GALNT1: variants seen among roughly 807,000 people sequenced by gnomAD.
GALNT1 encodes the protein polypeptide N-acetylgalactosaminyltransferase 1, also known as GalNAc transferase 1.
Under a neutral mutation model 65.7 loss-of-function variants are expected in GALNT1, and 17 were observed. The observed-to-expected ratio is 0.26, with a 90% confidence interval of 0.18 to 0.39. The LOEUF is 0.39. Among genes scored for constraint, GALNT1 ranks in the 10% least tolerant of loss-of-function variants. The probability of loss-of-function intolerance (pLI) is 1.00; values close to 1 mark genes in which losing one functional copy is unlikely to be tolerated. For synonymous variants in GALNT1, 210 were observed against 219.7 expected (o/e 0.96, Z 0.39); for missense variants, 460 against 672.8 (o/e 0.68, Z 3.50).
At chr18:35,656,947 G>A (rs1396015833) in intron 2 of GALNT1, among the ~76,000 whole-genome samples, 2 of 152,190 alleles carry the variant, frequency 1.3e-5, no homozygotes, top group African/African-American at 4.8e-5. Context: ...GGGGGCCATC[G>A]AATGTAGGGA....
intron 3 of GALNT1, 118 bp downstream of exon 3, chr18:35,663,920 C>T: frequency 1.2e-6 from 1 of 818,206 alleles, no homozygotes; most frequent in Non-Finnish European, 2.0e-6. Flanking sequence ...TATGTTACTA[C>T]TTACCCCACT....
intron 3 of GALNT1, among the ~76,000 whole-genome samples, chr18:35,673,037 C>G (rs1598801982): frequency 6.6e-6 from 1 of 152,144 alleles, no homozygotes; most frequent in Non-Finnish European, 1.5e-5. Context: ...ATGCTTTGCC[C>G]TTAGTTTTAT....
chr18:35,632,177 T>G (rs1333045358), intron 1 of GALNT1, among the ~76,000 whole-genome samples: 1 of 152,216 alleles, frequency 6.6e-6, no homozygotes, highest in African/African-American at 2.4e-5. Flanking sequence ...AATGACTTTC[T>G]TCACAGAATT....
Position 35,677,762 on chromosome 18 carries a change from A to C in GALNT1, c.481+5A>C. 1 of 1,587,508 alleles carries C rather than the reference A, an allele frequency of 6.3e-7. No homozygotes were observed. The stretch of plus-strand genomic sequence containing the variant: ...TAGATGATGCCAGTGAAAGAGGTAA[A>C]TTTTAAATTTTAATGCCAATAATTT... On this transcript the variant is annotated splice_donor_5th_base_variant and intron_variant, in intron 4 of 11. Coordinates refer to ENST00000269195, the MANE Select transcript of GALNT1 (RefSeq NM_020474.4).
At position 35,700,187 on chromosome 18, in the gene GALNT1, A is replaced by G. The variant is rs556006827; in HGVS notation, c.1300-2710A>G. On this transcript the variant is annotated intron_variant, in intron 9 of 11. Transcript: ENST00000269195. ...GAAAAGAATGTTCTCTGAAAACTCT[A>G]TATTCTCTAGCCAGGCGGTATATAG... 3.3e-5 allele frequency among the ~76,000 whole-genome samples: 5 copies of G among 152,294 alleles called. No homozygotes were observed. In the East Asian group the frequency reaches 9.7e-4, roughly 29 times the overall value.
chr18:35,619,260 CT>C (rs910801247), intron 1 of GALNT1, among the ~76,000 whole-genome samples: 38 of 152,146 alleles, frequency 2.5e-4, no homozygotes, highest in Admixed American at 1.2e-3. Flanking sequence ...AAATCTACCC[CT>C]AACTCAAGTT....
At position 35,663,702 on chromosome 18, in the gene GALNT1, C is replaced by G; in HGVS notation, c.214C>G (p.Gln72Glu). 6.2e-7 allele frequency: 1 copy of G among 1,613,852 alleles called. No homozygotes were observed. Residue 72 changes from glutamine to glutamate, a missense_variant, in exon 3 of 12, where the codon CAA becomes GAA. Physicochemically the swap from Gln to Glu is conservative, Grantham distance 29 (BLOSUM62 2). Transcript: ENST00000269195. Reference sequence around the variant, plus strand: ...ACCAGTCGTCATTCCTAAAGAGGATCAAGAAAAGATGAAAGAGATGTTTAA... The same window carrying G: ...ACCAGTCGTCATTCCTAAAGAGGATGAAGAAAAGATGAAAGAGATGTTTAA... ...GKPVVIPKED[Q>E]EKMKEMFKIN...
intron 1 of GALNT1, among the ~76,000 whole-genome samples, chr18:35,594,543 C>T (rs2143893067): frequency 6.6e-6 from 1 of 152,172 alleles, no homozygotes; most frequent in Middle Eastern, 3.4e-3. Flanking sequence ...TGCCACTATC[C>T]TAGAAGTTGA....
chr18:35,626,094 C>T (rs2046913106), intron 1 of GALNT1, among the ~76,000 whole-genome samples: 1 of 152,156 alleles, frequency 6.6e-6, no homozygotes, highest in South Asian at 2.1e-4. Context: ...TTTCCTAACT[C>T]ATACCAATTC....
chr18:35,582,119 T>C, intron 1 of GALNT1, among the ~76,000 whole-genome samples: 1 of 152,102 alleles, frequency 6.6e-6, no homozygotes, highest in Admixed American at 6.5e-5. Flanking sequence ...GAACCGTTTT[T>C]CTTTAGAAGA....
intron 1 of GALNT1, among the ~76,000 whole-genome samples, chr18:35,626,145 A>G (rs770147117): frequency 7.2e-5 from 11 of 152,182 alleles, no homozygotes; most frequent in African/African-American, 1.9e-4. Context: ...TTTGTGCGCT[A>G]TAGCCCGTCA....
At chr18:35,633,741 A>T (rs1445126889) in intron 1 of GALNT1, among the ~76,000 whole-genome samples, 1 of 152,284 alleles carries the variant, frequency 6.6e-6, no homozygotes, top group East Asian at 1.9e-4. Flanking sequence ...ATATACAAGC[A>T]AGAGAATGGC....
In GALNT1 at chr18:35,586,455, A is replaced by G. The variant is rs549138847; in HGVS notation, c.-104+4593A>G. ...TTGTTGAAGTCCAGTTTCTCAGTTT[A>G]TTTTTTTATGGATCATTCTTTTTGG... is the stretch of plus-strand genomic sequence containing the variant. On this transcript the variant is annotated intron_variant, in intron 1 of 11. Transcript: ENST00000269195. Among the ~76,000 whole-genome samples, 7 of 152,052 alleles carry G rather than the reference A, an allele frequency of 4.6e-5. No individual in the cohort carries two copies. The East Asian group carries it at 5.8e-4, about 13-fold the overall frequency.
chr18:35,652,025 CTT>C lies in GALNT1; in HGVS notation c.-103-2525_-103-2524del, dbSNP rs768694201. On this transcript the variant is annotated intron_variant, in intron 1 of 11. Coordinates refer to ENST00000269195, the MANE Select transcript of GALNT1 (RefSeq NM_020474.4). ...TCAATTTTCTAAAGACATAAGTAGC[CTT>C]TTTTTTTTTATTGAACATAAACAAC... is the stretch of plus-strand genomic sequence containing the variant. Among the ~76,000 whole-genome samples the C allele has an allele frequency of 2.1e-5, 3 of 145,034 alleles. No homozygotes were observed. The Admixed American group carries it at 2.1e-4, about 10-fold the overall frequency.
At chr18:35,649,155 T>G (rs1309037647) in intron 1 of GALNT1, among the ~76,000 whole-genome samples, 1 of 152,236 alleles carries the variant, frequency 6.6e-6, no homozygotes, top group Non-Finnish European at 1.5e-5. Flanking sequence ...CCAGAGAGGC[T>G]GTACCATTTT....
At chr18:35,705,500 T>C (rs1302815528) in intron 11 of GALNT1, among the ~76,000 whole-genome samples, 1 of 152,210 alleles carries the variant, frequency 6.6e-6, no homozygotes, top group African/African-American at 2.4e-5. Context: ...TCAGTTAATA[T>C]GGCCATTGGA....
intron 1 of GALNT1, among the ~76,000 whole-genome samples, chr18:35,629,752 A>G (rs936938982): frequency 1.8e-4 from 28 of 152,208 alleles, no homozygotes; most frequent in Non-Finnish European, 2.9e-5. Context: ...AAATTAAAAG[A>G]CACAGACTGG....
intron 3 of GALNT1, chr18:35,664,334 G>A (rs943411115): frequency 2.0e-5 from 3 of 152,076 alleles, no homozygotes; most frequent in African/African-American, 7.3e-5. Context: ...AACTTTTTAT[G>A]ATGGATCCAC....
intron 1 of GALNT1, among the ~76,000 whole-genome samples, chr18:35,639,320 CA>C (rs990615457): frequency 5.9e-5 from 9 of 152,004 alleles, no homozygotes; most frequent in Non-Finnish European, 1.3e-4. Flanking sequence ...CCTCCACCAG[CA>C]AAAAAATTAC....
Sources: allele counts gnomAD v4.1 joint callset (sites outside exome capture counted in the v4.1 genomes callset), GRCh38; gene constraint gnomAD v4.1.1; transcripts MANE v1.5; gene names NCBI Gene and HGNC (gene_info 2026-07-23, HGNC 2026-07-21).